ANO4: variants seen among roughly 807,000 people sequenced by gnomAD.
ANO4 encodes anoctamin 4.
A neutral mutation model predicts 141.9 loss-of-function variants in ANO4; 69 were observed. That is an observed-to-expected ratio of 0.49 (90% CI 0.40 to 0.59). The LOEUF is 0.59. Ranked by LOEUF, ANO4 falls within the 20% of genes least tolerant of loss-of-function variation. The pLI is 0.00. For synonymous variants in ANO4, 350 were observed against 394.3 expected, an observed-to-expected ratio of 0.89 and a Z score of 1.33; for missense variants, 894 against 1,162.2, an observed-to-expected ratio of 0.77 and a Z score of 3.36.
rs774890649 is a variant in ANO4, at chr12:101,111,590, T to C, written c.2330T>C (p.Ile777Thr). Residue 777 changes from isoleucine to threonine, a missense_variant, in exon 24 of 28, where the codon ATT (isoleucine) becomes ACT (threonine). Transcript: ENST00000392977. ...ATTTGGTATGGAATTCTTGAAGGCA[T>C]TGGAATTCTCTCTGTTATCACAAAT... ...IGIWYGILEG[I>T]GILSVITNAF... 10 of 1,610,552 alleles carry C rather than the reference T, an allele frequency of 6.2e-6. No homozygotes were observed. Among genetic ancestry groups the C allele is most frequent in the Non-Finnish European group, 7.6e-6 (9 of 1,178,610 alleles).
intron 8 of ANO4, among the ~76,000 whole-genome samples, chr12:100,989,392 G>A (rs959398584): frequency 2.0e-5 from 3 of 152,226 alleles, no homozygotes; most frequent in Non-Finnish European, 4.4e-5. Flanking sequence ...TAGACAATGA[G>A]TTGTTTCCCT....
intron 2 of ANO4, among the ~76,000 whole-genome samples, chr12:100,903,647 A>G (rs554173490): frequency 6.6e-6 from 1 of 152,304 alleles, no homozygotes; most frequent in Admixed American, 6.5e-5. Flanking sequence ...ATTGTGGGAG[A>G]TGGCTAGGCA....
chr12:101,126,512 A>G (rs1023832023), intron 26 of ANO4, among the ~76,000 whole-genome samples: 5 of 152,228 alleles, frequency 3.3e-5, no homozygotes, highest in African/African-American at 1.2e-4. Context: ...AGATGAGGGG[A>G]ATGAGGCTCA....
At chr12:100,753,015 G>A (rs1447579197) in intron 3 of ANO4, among the ~76,000 whole-genome samples, 1 of 152,126 alleles carries the variant, frequency 6.6e-6, no homozygotes, top group African/African-American at 2.4e-5. Flanking sequence ...GAGCAATTGG[G>A]ATGACTCAGC....
chr12:100,883,324 C>T (rs181755123), intron 1 of ANO4, among the ~76,000 whole-genome samples: 1 of 152,110 alleles, frequency 6.6e-6, no homozygotes, highest in Non-Finnish European at 1.5e-5. Context: ...TATTTTCAGC[C>T]TTAAGGGCCA....
chr12:100,919,777 TA>T, intron 2 of ANO4, among the ~76,000 whole-genome samples: 1 of 150,688 alleles, frequency 6.6e-6, no homozygotes, highest in African/African-American at 2.5e-5. Context: ...TCTATCTATC[TA>T]TCTAATCTAT....
intron 3 of ANO4, among the ~76,000 whole-genome samples, chr12:100,755,156 C>T (rs1235553025): frequency 6.6e-6 from 1 of 152,158 alleles, no homozygotes; most frequent in East Asian, 1.9e-4. Flanking sequence ...GTTCATGCCC[C>T]TCATGGTCTA....
Position 100,771,328 on chromosome 12 carries a change from T to C in ANO4, c.358+31223T>C, listed in dbSNP as rs148946853. ...CTGACTCTTGCATAGACCAGACGGA[T>C]CTGTCATGATCTTAACTGAGCTGGA... On this transcript the variant is annotated intron_variant, in intron 3 of 29. Transcript: ENST00000644049. Among the ~76,000 whole-genome samples the C allele has an allele frequency of 3.4e-3, 515 of 152,266 alleles. 4 individuals are homozygous for C. The highest frequency in any genetic ancestry group is 0.012 in the African/African-American group (483 of 41,560).
Position 100,895,495 on chromosome 12 carries a change from C to G in ANO4, c.-140-6151C>G, listed in dbSNP as rs1279471143. The stretch of plus-strand genomic sequence containing the variant: ...TTTATGTTATTCAGAAAAATTTTCA[C>G]TTTTTCGGTAGGATTTTTGAGGAGT... On this transcript the variant is annotated intron_variant, in intron 1 of 27. Coordinates refer to ENST00000392977, the MANE Select transcript of ANO4 (RefSeq NM_001286615.2). 4.0e-5 allele frequency among the ~76,000 whole-genome samples: 6 copies of G among 150,664 alleles called. 1 individual carries two copies. The highest frequency in any genetic ancestry group is 1.5e-4 in the African/African-American group (6 of 40,770).
intron 25 of ANO4, among the ~76,000 whole-genome samples, chr12:101,117,078 G>T (rs750289836): frequency 2.0e-5 from 3 of 152,190 alleles, no homozygotes; most frequent in Non-Finnish European, 4.4e-5. Context: ...TAGTAGTGAA[G>T]GTTATACCGC....
chr12:101,066,454 A>G (rs1002156330), intron 14 of ANO4, among the ~76,000 whole-genome samples: 1 of 152,254 alleles, frequency 6.6e-6, no homozygotes, highest in Non-Finnish European at 1.5e-5. Context: ...TAGCATTTCT[A>G]TATGCCAGCA....
intron 8 of ANO4, 101 bp from the exon 9 acceptor site, chr12:101,019,933 G>C: frequency 1.1e-6 from 1 of 872,522 alleles, no homozygotes; most frequent in Non-Finnish European, 1.9e-6. Context: ...GTCTATGACT[G>C]ACTGAAGACA....
At chr12:100,765,379 CTT>C (rs71091461) in intron 3 of ANO4, among the ~76,000 whole-genome samples, 9 of 125,356 alleles carry the variant, frequency 7.2e-5, no homozygotes, top group Admixed American at 1.7e-4. Flanking sequence ...TTCTTTCTTT[CTT>C]TTTTTTTTTT....
At chr12:100,877,960 G>A (rs2039397159) in intron 1 of ANO4, among the ~76,000 whole-genome samples, 1 of 152,080 alleles carries the variant, frequency 6.6e-6, no homozygotes, top group Non-Finnish European at 1.5e-5. Flanking sequence ...TGTAGATTCT[G>A]CAAACTTCTA....
At chr12:100,872,159 G>T (rs146371187) in intron 1 of ANO4, among the ~76,000 whole-genome samples, 5 of 152,176 alleles carry the variant, frequency 3.3e-5, no homozygotes, top group African/African-American at 1.2e-4. Context: ...AACATTTATT[G>T]AATACCTTAC....
chr12:100,901,864 G>A, intron 2 of ANO4, 24 bp downstream of exon 2: 1 of 1,571,506 alleles, frequency 6.4e-7, no homozygotes, highest in Non-Finnish European at 8.6e-7. Flanking sequence ...AAGTTCAACG[G>A]GGACCCATTT....
intron 8 of ANO4, among the ~76,000 whole-genome samples, chr12:101,013,717 GT>G (rs2046199638): frequency 6.6e-6 from 1 of 152,186 alleles, no homozygotes; most frequent in Non-Finnish European, 1.5e-5. Flanking sequence ...ACTAGTCACA[GT>G]TCAAGTGCTC....
At chr12:100,838,974 G>T (rs978488251) in intron 1 of ANO4, among the ~76,000 whole-genome samples, 1 of 152,104 alleles carries the variant, frequency 6.6e-6, no homozygotes, top group Non-Finnish European at 1.5e-5. Context: ...CTAAAAGCAG[G>T]TTCCCTATCT....
At chr12:101,106,559 A>G (rs1010977529) in intron 22 of ANO4, among the ~76,000 whole-genome samples, 2 of 134,438 alleles carry the variant, frequency 1.5e-5, no homozygotes, top group African/African-American at 2.9e-5. Flanking sequence ...ATGGATATTC[A>G]TGTGTGTGTG....
Sources: gnomAD v4.1 joint callset for allele counts (sites outside exome capture counted in the v4.1 genomes callset) on GRCh38, gnomAD v4.1.1 for gene constraint, MANE v1.5 for transcripts, NCBI Gene and HGNC (gene_info 2026-07-23, HGNC 2026-07-21) for gene names.